Variants in DDX56 observed in about 807,000 individuals in gnomAD.
The protein encoded by DDX56 is probable ATP-dependent RNA helicase DDX56.
A neutral mutation model predicts 61.5 loss-of-function variants in DDX56; 45 were observed. The observed-to-expected ratio is 0.73, with a 90% CI of 0.58 to 0.94. The LOEUF (loss-of-function observed/expected upper bound fraction) is 0.94. DDX56 is among the 40% of genes least tolerant of loss of function. The pLI, the probability that DDX56 is intolerant of heterozygous loss-of-function variation, is 0.00. For missense variants in DDX56, 708 were observed against 690.7 expected, an observed-to-expected ratio of 1.02 and a Z score of -0.28; for synonymous variants, 273 against 268.3, an observed-to-expected ratio of 1.02 and a Z score of -0.17.
chr7:44,573,099 G>A (rs1326372219), intron 2 of DDX56, 49 bp from the exon 3 acceptor site: 2 of 1,502,598 alleles, frequency 1.3e-6, no homozygotes, highest in African/African-American at 1.4e-5. Context: ...ACATCACTGT[G>A]TCCACGTGTC....
chr7:44,569,877 A>C lies in DDX56; in HGVS notation c.1151T>G (p.Ile384Arg). The C allele has an allele frequency of 6.2e-7, 1 of 1,611,470 alleles. No homozygotes were observed. ...GRTARANNPG[I>R]VLTFVLPTEQ... ...CGTGGGAAGCACAAAGGTTAAGACT[A>C]TGCCTGGGTTGTTAGCGCGTGCTGT... The change falls in exon 9 of 14, where the codon ATA becomes AGA. Residue 384 changes from isoleucine (I) to arginine (R), a missense_variant. Ile to Arg is a moderately conservative substitution (Grantham distance 97). Coordinates refer to ENST00000258772, the MANE Select transcript of DDX56 (RefSeq NM_019082.4).
intron 2 of DDX56, 146 bp from the exon 3 acceptor site, chr7:44,573,196 G>A (rs1802725373): frequency 4.2e-6 from 3 of 722,636 alleles, no homozygotes; most frequent in Non-Finnish European, 6.5e-6. Flanking sequence ...GCCTCAGAAT[G>A]CAGAGTGGAG....
At chr7:44,571,187 T>C (rs1434044979) in intron 6 of DDX56, among the ~76,000 whole-genome samples, 1 of 152,192 alleles carries the variant, frequency 6.6e-6, no homozygotes, top group Non-Finnish European at 1.5e-5. Context: ...TACAGGTGCC[T>C]GCCACCATGT....
chr7:44,566,043 GC>G lies in DDX56; in HGVS notation c.1602del (p.Lys534AsnfsTer23), dbSNP rs1445904401. ...GTGGGTCTGAATTTCTTTCCTTTGT[GC>G]TTGAAGCTGCGCAGTGGGTTCTGGG... ...AKSQNPLRSF[K>X]HKGKKFRPTA... On this transcript the variant is annotated frameshift_variant, in exon 14 of 14. Transcript: ENST00000258772. LOFTEE classifies it high-confidence loss of function. 2.5e-6 allele frequency: 4 copies of G among 1,612,750 alleles called. No homozygotes were observed. In the Admixed American group the frequency reaches 6.7e-5, roughly 27 times the overall value.
In DDX56 at chr7:44,568,192, T is replaced by C; in HGVS notation, c.1415A>G (p.Gln472Arg). Reference sequence around the variant, plus strand: ...CAAAGGTAGGTCATGCCGCAGCAGCTGGAGGTCCCTAGGGTTGTCTTCAAA... The same window carrying C: ...CAAAGGTAGGTCATGCCGCAGCAGCCGGAGGTCCCTAGGGTTGTCTTCAAA... ...TYFEDNPRDL[Q>R]LLRHDLPLHP... Residue 472 changes from glutamine to arginine, a missense_variant, in exon 12 of 14, where the codon CAG becomes CGG. Physicochemically the swap from Gln to Arg is conservative, Grantham distance 43 (BLOSUM62 1). Coordinates refer to ENST00000258772, the MANE Select transcript of DDX56 (RefSeq NM_019082.4). The C allele has an allele frequency of 6.2e-7, 1 of 1,613,856 alleles. No individual in the cohort carries two copies. Among genetic ancestry groups the C allele is most frequent in the South Asian group, 1.1e-5 (1 of 91,048 alleles).
At chr7:44,571,890 A>C (rs1802682995) in intron 5 of DDX56, among the ~76,000 whole-genome samples, 154 bp from the exon 6 acceptor site, 1 of 152,208 alleles carries the variant, frequency 6.6e-6, no homozygotes, top group Non-Finnish European at 1.5e-5. Flanking sequence ...TTGTAACCTA[A>C]AACCCCAAAA....
At chr7:44,572,510 C>G (rs1056489623) in intron 4 of DDX56, 64 bp downstream of exon 4, 2 of 1,613,118 alleles carry the variant, frequency 1.2e-6, no homozygotes, top group South Asian at 1.1e-5. Flanking sequence ...CCAGCCACCC[C>G]GCTCTCGTCC....
Position 44,573,512 on chromosome 7 carries a change from C to G in DDX56, c.222+71G>C, listed in dbSNP as rs535024812. 3.9e-4 allele frequency: 617 copies of G among 1,570,162 alleles called. 3 individuals carry two copies. Among genetic ancestry groups the G allele is most frequent in the South Asian group, 3.0e-3 (261 of 86,222 alleles). ...TACAGGGCCAAGAGAAAACCTCAGA[C>G]AAACGGGAACCGCCCTTCCCAGGCT... On this transcript the variant is annotated intron_variant, in intron 2 of 13. Transcript: ENST00000258772.
chr7:44,567,971 T>C, intron 12 of DDX56, 147 bp downstream of exon 12: 1 of 687,846 alleles, frequency 1.5e-6, no homozygotes, highest in Non-Finnish European at 2.6e-6. Flanking sequence ...GGGGTGTGCC[T>C]GTTTACATGC....
chr7:44,566,737 C>G lies in DDX56; in HGVS notation c.1490-213G>C, dbSNP rs1402591891. 2.0e-5 allele frequency among the ~76,000 whole-genome samples: 3 copies of G among 152,074 alleles called. No homozygotes were observed. In the East Asian group the frequency reaches 5.8e-4, roughly 29 times the overall value. ...TCTCCTATATTGTTTAGATTTGTTA[C>G]AACAAACATGTAACAAGAAAGAAAA... On this transcript the variant is annotated intron_variant, in intron 12 of 13. Transcript: ENST00000258772.
intron 11 of DDX56, among the ~76,000 whole-genome samples, chr7:44,568,629 G>A (rs1026087290): frequency 9.2e-5 from 14 of 152,104 alleles, no homozygotes; most frequent in Admixed American, 2.0e-4. Context: ...ATTCACAAGC[G>A]TGACCAGGAT....
Position 44,568,952 on chromosome 7 carries a change from G to A in DDX56, c.1334C>T (p.Ala445Val), listed in dbSNP as rs777042312. The A allele has an allele frequency of 9.9e-6, 16 of 1,614,050 alleles. No homozygotes were observed. In the South Asian group the frequency reaches 1.8e-4, roughly 18 times the overall value. The change falls in exon 11 of 14, where the codon GCA becomes GTA. Residue 445 changes from alanine to valine, a missense_variant. Ala to Val is a moderately conservative substitution (Grantham distance 64). Coordinates refer to ENST00000258772, the MANE Select transcript of DDX56 (RefSeq NM_019082.4). ...CTCTTCCTTGATCTCCTTCAATCTT[G>A]CCTCCCGAATGGCCTGCTTAGTCAC... ...RSVTKQAIRE[A>V]RLKEIKEELL... is the part of the protein sequence containing the mutation.
In DDX56 at chr7:44,571,725, C is replaced by T. The variant is rs754183846; in HGVS notation, c.657G>A (p.Lys219=). ...GCCCAGGCAGCTGGGACTCCTGTAA[C>T]TTAAGGGTAACCTGGGGGAGAAAAC... is the stretch of plus-strand genomic sequence containing the variant. ...ELILHNPVTL[K]LQESQLPGPD... Residue 219 remains lysine, a synonymous_variant, in exon 6 of 14, where the codon AAG becomes AAA. Coordinates refer to ENST00000258772, the MANE Select transcript of DDX56 (RefSeq NM_019082.4). The T allele has an allele frequency of 6.2e-7, 1 of 1,613,902 alleles. No homozygotes were observed. The highest frequency in any genetic ancestry group is 1.7e-5 in the Admixed American group (1 of 60,022).
chr7:44,570,945 TATCACAGTAACC>T (rs765064310), intron 6 of DDX56, 68 bp from the exon 7 acceptor site: 29 of 1,549,658 alleles, frequency 1.9e-5, no homozygotes, highest in Non-Finnish European at 2.5e-5. Context: ...CCATCCCTAG[TATCACAGTAACC>T]ATCACCCTTT....
intron 6 of DDX56, among the ~76,000 whole-genome samples, chr7:44,571,132 G>A (rs1271902143): frequency 9.2e-5 from 14 of 152,150 alleles, no homozygotes; most frequent in Admixed American, 6.5e-4. Flanking sequence ...TCCACCTCCC[G>A]GGCTCAAGCA....
At position 44,572,389 on chromosome 7, in the gene DDX56, G is replaced by A. The variant is rs1423187230; in HGVS notation, c.603C>T (p.Asn201=). ...GCTCCTTGAGTGCTTGTACGTCCTC[G>A]TTAAAAGTAGCTGACATGAGAAAAG... ...YQAFLMSATF[N]EDVQALKELI... is the part of the protein sequence containing the mutation. The change falls in exon 5 of 14, where the codon AAC becomes AAT. Residue 201 remains asparagine, a synonymous_variant. Coordinates refer to ENST00000258772, the MANE Select transcript of DDX56 (RefSeq NM_019082.4). The A allele has an allele frequency of 5.6e-6, 9 of 1,613,976 alleles. No individual in the cohort carries two copies. Among genetic ancestry groups the A allele is most frequent in the African/African-American group, 1.3e-5 (1 of 74,912 alleles).
chr7:44,569,086 A>G (rs188278121), intron 10 of DDX56, 44 bp downstream of exon 10: 2 of 1,612,844 alleles, frequency 1.2e-6, no homozygotes, highest in East Asian at 2.2e-5. Flanking sequence ...TCCCTGGGCC[A>G]CAGCCCCTCC....
At position 44,568,228 on chromosome 7, in the gene DDX56, C is replaced by T. The variant is rs535568441; in HGVS notation, c.1384-5G>A. Reference sequence around the variant, plus strand: ...AGGGTTGTCTTCAAAGTATGTCTGCCGGGGGAAGAGGGAGAGCCACAGAGT... The same window carrying T: ...AGGGTTGTCTTCAAAGTATGTCTGCTGGGGGAAGAGGGAGAGCCACAGAGT... On this transcript the variant is annotated splice_polypyrimidine_tract_variant and splice_region_variant and intron_variant, in intron 11 of 13. Coordinates refer to ENST00000258772, the MANE Select transcript of DDX56 (RefSeq NM_019082.4). 2.2e-4 allele frequency: 354 copies of T among 1,601,920 alleles called. 3 individuals are homozygous for T. The South Asian group carries it at 3.6e-3, about 16-fold the overall frequency.
chr7:44,569,824 C>T lies in DDX56; in HGVS notation c.1204G>A (p.Glu402Lys), dbSNP rs1177857180. Residue 402 changes from glutamate to lysine, a missense_variant, in exon 9 of 14, where the codon GAG (glutamate) becomes AAG (lysine). Coordinates refer to ENST00000258772, the MANE Select transcript of DDX56 (RefSeq NM_019082.4). ...AGGCTCTTACCTCCACTGAGAAGCT[C>T]CTCAATCTTGCCTAAGTGGAACTGC... is the stretch of plus-strand genomic sequence containing the variant. ...TEQFHLGKIEELLSGENRGPI... is the reference protein window; with the variant it reads ...TEQFHLGKIEKLLSGENRGPI... The T allele has an allele frequency of 6.2e-7, 1 of 1,608,718 alleles. No individual in the cohort carries two copies. The highest frequency in any genetic ancestry group is 1.7e-5 in the Admixed American group (1 of 59,530).
Sources: allele counts gnomAD v4.1 joint callset (sites outside exome capture counted in the v4.1 genomes callset), GRCh38; gene constraint gnomAD v4.1.1; transcripts MANE v1.5; gene names NCBI Gene and HGNC (gene_info 2026-07-23, HGNC 2026-07-21).